Variants in FNDC3A observed in about 807,000 individuals in gnomAD.
The protein encoded by FNDC3A is fibronectin type-III domain-containing protein 3A.
FNDC3A carries 32 observed loss-of-function variants against 148.9 expected under a neutral mutation model. The observed-to-expected ratio is 0.21, with a 90% confidence interval of 0.16 to 0.29. The LOEUF (loss-of-function observed/expected upper bound fraction) is 0.29. Among genes scored for constraint, FNDC3A ranks in the 10% least tolerant of loss-of-function variants. The pLI, the probability that FNDC3A is intolerant of heterozygous loss-of-function variation, is 1.00. For synonymous variants in FNDC3A, 472 were observed against 473.6 expected, an observed-to-expected ratio of 1.00 and a Z score of 0.04; for missense variants, 1,191 against 1,452.8, an observed-to-expected ratio of 0.82 and a Z score of 2.93.
At chr13:49,166,446 G>A (rs1257376996) in intron 8 of FNDC3A, among the ~76,000 whole-genome samples, 2 of 152,162 alleles carry the variant, frequency 1.3e-5, no homozygotes, top group Non-Finnish European at 2.9e-5. Context: ...TGGGCAGGAT[G>A]CAGTCTTTTG....
At chr13:49,013,646 G>A (rs1168684550) in intron 2 of FNDC3A, among the ~76,000 whole-genome samples, 6 of 150,596 alleles carry the variant, frequency 4.0e-5, no homozygotes, top group East Asian at 2.0e-4. Context: ...ACATGTACAT[G>A]TGTATACATG....
intron 1 of FNDC3A, among the ~76,000 whole-genome samples, chr13:49,004,997 T>G (rs948296923): frequency 6.6e-6 from 1 of 151,898 alleles, no homozygotes; most frequent in Non-Finnish European, 1.5e-5. Flanking sequence ...AGAAGTTAGA[T>G]TTGCATTATT....
chr13:49,035,341 C>CATATATTTAT (rs1874418562), intron 2 of FNDC3A, among the ~76,000 whole-genome samples: 3 of 151,934 alleles, frequency 2.0e-5, no homozygotes, highest in Admixed American at 6.6e-5. Flanking sequence ...TACATATATG[C>CATATATTTAT]AGACATTGTC....
At position 49,172,385 on chromosome 13, in the gene FNDC3A, C is replaced by G. The variant is rs566573948; in HGVS notation, c.1230+289C>G. Among the ~76,000 whole-genome samples, 565 of 152,230 alleles carry G rather than the reference C, an allele frequency of 3.7e-3. 2 individuals carry two copies. The highest frequency in any genetic ancestry group is 0.013 in the African/African-American group (540 of 41,528). ...CAAGTGTATTCCTTTCCTATGGCTGCTATAACAAATTACCCCAAACCTGAC... is the reference window on the plus strand; with the variant it reads ...CAAGTGTATTCCTTTCCTATGGCTGGTATAACAAATTACCCCAAACCTGAC... On this transcript the variant is annotated intron_variant, in intron 11 of 25. Transcript: ENST00000492622.
chr13:49,138,151 C>T (rs1473546757), intron 6 of FNDC3A, among the ~76,000 whole-genome samples: 1 of 152,150 alleles, frequency 6.6e-6, no homozygotes, highest in East Asian at 1.9e-4. Context: ...TTCCATGCCT[C>T]ACTAACAAAT....
rs763179722 is a variant in FNDC3A at position 49,136,619 on chromosome 13, T to C, written c.760+18T>C. The C allele has an allele frequency of 4.4e-6, 7 of 1,603,796 alleles. No individual in the cohort carries two copies. The Admixed American group carries it at 8.4e-5, about 19-fold the overall frequency. On this transcript the variant is annotated intron_variant, in intron 6 of 25. Coordinates refer to ENST00000492622, the MANE Select transcript of FNDC3A (RefSeq NM_001079673.2). Reference sequence around the variant, plus strand: ...AATTGAAGGTAACTGTTTGAAGTACTGAACTGTTCTCATTGATGCTATTCT... The same window carrying C: ...AATTGAAGGTAACTGTTTGAAGTACCGAACTGTTCTCATTGATGCTATTCT...
At chr13:49,088,565 C>T (rs1480363023) in intron 3 of FNDC3A, among the ~76,000 whole-genome samples, 5 of 152,178 alleles carry the variant, frequency 3.3e-5, no homozygotes, top group African/African-American at 1.2e-4. Context: ...TCATACTTGA[C>T]CTCAGTGTAT....
intron 19 of FNDC3A, among the ~76,000 whole-genome samples, chr13:49,192,852 T>C (rs1451609230): frequency 6.6e-6 from 1 of 152,212 alleles, no homozygotes; most frequent in Non-Finnish European, 1.5e-5. Flanking sequence ...AAGATAAAAT[T>C]TATGCCTACC....
At chr13:48,984,444 A>G (rs1400926505) in intron 1 of FNDC3A, among the ~76,000 whole-genome samples, 2 of 152,214 alleles carry the variant, frequency 1.3e-5, no homozygotes, top group Non-Finnish European at 2.9e-5. Flanking sequence ...AATTATTAAA[A>G]TAAGAATTTG....
intron 23 of FNDC3A, among the ~76,000 whole-genome samples, 161 bp downstream of exon 23, chr13:49,198,735 C>G (rs1420699395): frequency 6.6e-6 from 1 of 152,118 alleles, no homozygotes; most frequent in African/African-American, 2.4e-5. Context: ...AGTGCAAGAC[C>G]AGCCTGGGCA....
chr13:49,139,066 CAA>C (rs973090833), intron 7 of FNDC3A, among the ~76,000 whole-genome samples: 1 of 152,014 alleles, frequency 6.6e-6, no homozygotes, highest in Non-Finnish European at 1.5e-5. Flanking sequence ...AAATAAAAAA[CAA>C]ATGCACAAAC....
intron 1 of FNDC3A, among the ~76,000 whole-genome samples, chr13:48,999,310 G>A (rs563692115): frequency 6.6e-6 from 1 of 152,302 alleles, no homozygotes; most frequent in East Asian, 1.9e-4. Context: ...GTAGGTTTTG[G>A]ACTTGCTTGG....
chr13:49,119,328 C>T (rs1450176655), intron 4 of FNDC3A, among the ~76,000 whole-genome samples: 4 of 152,284 alleles, frequency 2.6e-5, no homozygotes, highest in Admixed American at 2.6e-4. Context: ...GATGTCCACA[C>T]AGAAACCCCA....
rs555788664 is a variant in FNDC3A, at chr13:49,136,410, T to C, written c.569T>C (p.Leu190Ser). Residue 190 changes from leucine (L) to serine (S), a missense_variant, in exon 6 of 26, where the codon TTG becomes TCG. Leu to Ser is a moderately radical substitution (Grantham distance 145). This residue lies in a region of FNDC3A where 426 missense variants were observed against 473.2 expected (regional missense o/e 0.90). Coordinates refer to ENST00000492622, the MANE Select transcript of FNDC3A (RefSeq NM_001079673.2). ...SKTYERLQKK[L>S]KDRQGTQKDK... is the part of the protein sequence containing the mutation. ...ACATATGAACGTTTGCAGAAAAAAT[T>C]GAAGGATCGCCAAGGAACACAGAAA... 10 of 1,614,050 alleles carry C rather than the reference T, an allele frequency of 6.2e-6. No homozygotes were observed. Among genetic ancestry groups the C allele is most frequent in the Non-Finnish European group, 7.6e-6 (9 of 1,179,988 alleles).
intron 19 of FNDC3A, among the ~76,000 whole-genome samples, chr13:49,195,867 A>G (rs1372562172): frequency 6.6e-6 from 1 of 152,012 alleles, no homozygotes. Context: ...TGTGCCCAGG[A>G]GTCTGAGACC....
chr13:49,165,463 A>G (rs1197027671), intron 8 of FNDC3A, among the ~76,000 whole-genome samples: 1 of 152,184 alleles, frequency 6.6e-6, no homozygotes, highest in Non-Finnish European at 1.5e-5. Flanking sequence ...TGATTTCCAC[A>G]GTGGCTTAGG....
intron 2 of FNDC3A, among the ~76,000 whole-genome samples, chr13:49,011,514 G>C (rs930260600): frequency 6.6e-6 from 1 of 152,148 alleles, no homozygotes; most frequent in Non-Finnish European, 1.5e-5. Context: ...GATTACATGC[G>C]TGAGCCACCG....
At chr13:48,995,036 T>C (rs1184551480) in intron 1 of FNDC3A, among the ~76,000 whole-genome samples, 3 of 152,152 alleles carry the variant, frequency 2.0e-5, no homozygotes, top group Non-Finnish European at 2.9e-5. Context: ...TCATCACTTA[T>C]TGTGGTGTTT....
chr13:49,071,472 A>G (rs138238815), intron 2 of FNDC3A, among the ~76,000 whole-genome samples: 226 of 152,242 alleles, frequency 1.5e-3, no homozygotes, highest in African/African-American at 5.1e-3. Context: ...CCTAATGGCT[A>G]TAATAATTTA....
Sources: allele counts gnomAD v4.1 joint callset (sites outside exome capture counted in the v4.1 genomes callset), GRCh38; gene constraint gnomAD v4.1.1; regional missense constraint gnomAD v4.1.1; transcripts MANE v1.5; gene names NCBI Gene and HGNC (gene_info 2026-07-23, HGNC 2026-07-21).